GLIS3: variants seen among roughly 807,000 people sequenced by gnomAD.
The protein encoded by GLIS3 is zinc finger protein GLIS3.
In GLIS3, 53 loss-of-function variants were observed where a neutral mutation model predicts 78.6. The observed-to-expected ratio is 0.67, with a 90% CI of 0.54 to 0.85. The LOEUF (loss-of-function observed/expected upper bound fraction) is 0.85. GLIS3 is among the 40% of genes least tolerant of loss of function. The probability of loss-of-function intolerance (pLI) is 0.00; values close to 1 mark genes in which losing one functional copy is unlikely to be tolerated. For missense variants in GLIS3, 1,703 were observed against 1,231.1 expected, an observed-to-expected ratio of 1.38 and a Z score of -5.74; for synonymous variants, 684 against 509.9, an observed-to-expected ratio of 1.34 and a Z score of -4.60.
chr9:4,102,326 G>C (rs577629036), intron 4 of GLIS3, among the ~76,000 whole-genome samples: 1 of 152,132 alleles, frequency 6.6e-6, no homozygotes, highest in Non-Finnish European at 1.5e-5. Context: ...CTGGGGAAGC[G>C]GCTAAGCGAA....
At chr9:4,415,212 T>C in the GLIS3 span, among the ~76,000 whole-genome samples, 5 of 152,156 alleles carry the variant, frequency 3.3e-5, no homozygotes, top group Admixed American at 6.5e-5. Flanking sequence ...TACCACCCCA[T>C]TGACTCCCTC....
Position 4,261,642 on chromosome 9 carries a change from C to T in GLIS3, c.388+24396G>A, listed in dbSNP as rs539235539. ...GCAAAGAAAGGCAGCCCTTAGAATGCCCCTGAGCGAATGGATGGAGCCACA... is the reference window on the plus strand; with the variant it reads ...GCAAAGAAAGGCAGCCCTTAGAATGTCCCTGAGCGAATGGATGGAGCCACA... On this transcript the variant is annotated intron_variant, in intron 2 of 10. Coordinates refer to ENST00000381971, the MANE Select transcript of GLIS3 (RefSeq NM_001042413.2). Among the ~76,000 whole-genome samples, 8 of 152,288 alleles carry T rather than the reference C, an allele frequency of 5.3e-5. No individual in the cohort carries two copies. The East Asian group carries it at 1.4e-3, about 26-fold the overall frequency.
At chr9:4,128,347 CTT>C (rs576093579) in intron 2 of GLIS3, among the ~76,000 whole-genome samples, 138 of 152,366 alleles carry the variant, frequency 9.1e-4, no homozygotes, top group African/African-American at 3.2e-3. Context: ...GAACTAAACT[CTT>C]TACATGCCTG....
intron 4 of GLIS3, among the ~76,000 whole-genome samples, chr9:4,001,374 A>G (rs1821113376): frequency 6.6e-6 from 1 of 152,214 alleles, no homozygotes; most frequent in African/African-American, 2.4e-5. Context: ...AAAGCACCAA[A>G]TGTTTATCTT....
chr9:4,382,805 C>A, the GLIS3 span, among the ~76,000 whole-genome samples: 2 of 152,050 alleles, frequency 1.3e-5, no homozygotes, highest in African/African-American at 2.4e-5. Flanking sequence ...TTTACTGTAC[C>A]TAATACAGTT....
At chr9:4,150,767 T>C (rs1180054988) in intron 2 of GLIS3, among the ~76,000 whole-genome samples, 3 of 152,172 alleles carry the variant, frequency 2.0e-5, no homozygotes, top group Non-Finnish European at 4.4e-5. Flanking sequence ...TTATAAATTG[T>C]AAAATTCAAG....
intron 2 of GLIS3, among the ~76,000 whole-genome samples, chr9:4,256,140 G>A (rs957918935): frequency 3.9e-5 from 6 of 152,056 alleles, no homozygotes; most frequent in Admixed American, 2.6e-4. Context: ...AAAAGACACT[G>A]GAACAGATGA....
intron 2 of GLIS3, among the ~76,000 whole-genome samples, chr9:4,312,734 T>G (rs1000193910): frequency 4.6e-5 from 7 of 152,234 alleles, no homozygotes; most frequent in Non-Finnish European, 7.3e-5. Context: ...TTAGTGGAAC[T>G]GAAGGAGGCC....
chr9:4,402,254 C>T, the GLIS3 span, among the ~76,000 whole-genome samples: 12 of 152,354 alleles, frequency 7.9e-5, no homozygotes, highest in African/African-American at 2.6e-4. Flanking sequence ...TCATCCAAGA[C>T]CACCAAGGTG....
the GLIS3 span, among the ~76,000 whole-genome samples, chr9:4,489,713 C>T: frequency 1.1e-4 from 17 of 152,182 alleles, no homozygotes; most frequent in Non-Finnish European, 2.2e-4. Flanking sequence ...CTCCCGGGTC[C>T]GGTTCTCAGT....
intron 2 of GLIS3, among the ~76,000 whole-genome samples, chr9:4,281,060 T>C (rs1046511139): frequency 1.3e-5 from 2 of 152,230 alleles, no homozygotes; most frequent in Non-Finnish European, 2.9e-5. Context: ...CAATAACATG[T>C]ATGTACTAAC....
chr9:3,882,202 CA>C (rs1337043242), intron 7 of GLIS3, among the ~76,000 whole-genome samples: 1 of 146,022 alleles, frequency 6.8e-6, no homozygotes, highest in Non-Finnish European at 1.5e-5. Context: ...ATTGAGTAAA[CA>C]AAGATGAACA....
intron 4 of GLIS3, among the ~76,000 whole-genome samples, chr9:4,044,415 A>T (rs1825080977): frequency 6.6e-6 from 1 of 152,194 alleles, no homozygotes; most frequent in Non-Finnish European, 1.5e-5. Context: ...TAGGAAAATT[A>T]ACACATAGTC....
chr9:3,936,975 C>G, intron 5 of GLIS3, 53 bp downstream of exon 5: 9 of 1,609,552 alleles, frequency 5.6e-6, no homozygotes, highest in Middle Eastern at 4.5e-4. Context: ...CAAGCAGGCA[C>G]TTCCTCACAC....
intron 1 of GLIS3, chr9:4,347,269 A>G (rs1817908596): frequency 1.3e-5 from 2 of 152,230 alleles, no homozygotes; most frequent in Admixed American, 1.3e-4. Context: ...CTAATAGAGC[A>G]AGAACTCACT....
intron 2 of GLIS3, among the ~76,000 whole-genome samples, chr9:4,201,140 C>T (rs1819354237): frequency 6.6e-6 from 1 of 152,138 alleles, no homozygotes; most frequent in Non-Finnish European, 1.5e-5. Context: ...AACATGCCTT[C>T]ATGATAAAAA....
At chr9:3,919,648 TA>T (rs570683535) in intron 6 of GLIS3, among the ~76,000 whole-genome samples, 2,677 of 123,774 alleles carry the variant, frequency 0.022, 73 homozygotes, top group African/African-American at 0.067. Context: ...AGTTAAAAAA[TA>T]AAAAAAAAAA....
At chr9:3,959,542 C>G (rs1264248906) in intron 4 of GLIS3, among the ~76,000 whole-genome samples, 1 of 152,174 alleles carries the variant, frequency 6.6e-6, no homozygotes, top group African/African-American at 2.4e-5. Flanking sequence ...CCCAGCAAGG[C>G]CCATGTGATC....
At chr9:3,845,895 G>T (rs10973761) in intron 9 of GLIS3, among the ~76,000 whole-genome samples, 1 of 152,068 alleles carries the variant, frequency 6.6e-6, no homozygotes, top group South Asian at 2.1e-4. Flanking sequence ...AGATGGTCCT[G>T]GGTGCAATTT....
Sources: allele counts gnomAD v4.1 joint callset (sites outside exome capture counted in the v4.1 genomes callset), GRCh38; gene constraint gnomAD v4.1.1; transcripts MANE v1.5; gene names NCBI Gene and HGNC (gene_info 2026-07-23, HGNC 2026-07-21).